Variants in MBOAT2 observed in about 807,000 individuals in gnomAD.
The protein encoded by MBOAT2 is membrane bound glycerophospholipid O-acyltransferase 2.
MBOAT2 carries 28 observed loss-of-function variants against 63.4 expected under a neutral mutation model. The ratio of observed to expected loss-of-function variants is 0.44; its 90% CI spans 0.33 to 0.61. The LOEUF is 0.61. Among genes scored for constraint, MBOAT2 ranks in the 20% least tolerant of loss-of-function variants. The pLI, the probability that MBOAT2 is intolerant of heterozygous loss-of-function variation, is 0.03. For synonymous variants in MBOAT2, 211 were observed against 215.6 expected (o/e 0.98, Z 0.19); for missense variants, 470 against 605.8 (o/e 0.78, Z 2.35).
chr2:8,901,895 AG>A, intron 4 of MBOAT2, among the ~76,000 whole-genome samples: 1 of 152,336 alleles, frequency 6.6e-6, no homozygotes, highest in South Asian at 2.1e-4. Context: ...GAGAGGCGAG[AG>A]GAAGTTTGTC....
chr2:8,976,403 G>A (rs1479744688), intron 1 of MBOAT2, among the ~76,000 whole-genome samples: 1 of 152,010 alleles, frequency 6.6e-6, no homozygotes, highest in Non-Finnish European at 1.5e-5. Flanking sequence ...ATCCACAACT[G>A]CTTAACTATG....
intron 4 of MBOAT2, among the ~76,000 whole-genome samples, chr2:8,897,313 T>A (rs548974120): frequency 7.2e-4 from 108 of 150,700 alleles, no homozygotes; most frequent in African/African-American, 2.6e-3. Flanking sequence ...CAGCTGCTTA[T>A]GCTGCTGTTC....
At position 8,854,407 on chromosome 2, in the gene MBOAT2, A is replaced by G. The variant is rs1439829379; in HGVS notation, c.*4272T>C. The G allele has an allele frequency of 1.3e-5, 2 of 152,222 alleles. No individual in the cohort carries two copies. The highest frequency in any genetic ancestry group is 2.1e-4 in the South Asian group (1 of 4,830). 9.4% of individuals were successfully genotyped at this position (152,222 alleles called of 1,614,324 possible). A position where few individuals can be genotyped will look rare whatever the true frequency, so the allele number is the denominator to read the frequency against. Reference sequence around the variant, plus strand: ...AGGTATTGAGGGCAGTTAAGATTACATCTCACAGTGTTATTTAGGATTCTG... The same window carrying G: ...AGGTATTGAGGGCAGTTAAGATTACGTCTCACAGTGTTATTTAGGATTCTG... On this transcript the variant is annotated 3_prime_UTR_variant, in exon 13 of 13. Transcript: ENST00000305997.
chr2:8,858,757 C>T lies in MBOAT2; in HGVS notation c.1485G>A (p.Gln495=). 1.9e-6 allele frequency: 3 copies of T among 1,613,970 alleles called. No homozygotes were observed. The highest frequency in any genetic ancestry group is 2.2e-5 in the South Asian group (2 of 91,070). Residue 495 remains glutamine (Q), a synonymous_variant, in exon 13 of 13, where the codon CAG becomes CAA. Transcript: ENST00000305997. The part of the protein sequence containing the change: ...KFDEGENSLG[Q]NSFSTTNNVC... ...CATTGTTTGTTGTAGAAAAACTGTT[C>T]TGTCCCAAAGAATTTTCTCCTTCAT...
At chr2:8,885,924 G>A (rs1281327104) in intron 5 of MBOAT2, among the ~76,000 whole-genome samples, 1 of 152,212 alleles carries the variant, frequency 6.6e-6, no homozygotes, top group African/African-American at 2.4e-5. Context: ...TTCTGAGAAT[G>A]CTATCCTTAG....
chr2:9,003,396 C>T lies in MBOAT2; in HGVS notation c.75+144G>A, dbSNP rs1672852519. 2.9e-6 allele frequency: 1 copy of T among 343,314 alleles called. No individual in the cohort carries two copies. Among genetic ancestry groups the T allele is most frequent in the Non-Finnish European group, 4.8e-6 (1 of 210,246 alleles). The allele number at this position is 343,314 out of a possible 1,614,324, so 21.3% of individuals were successfully genotyped here. A position where few individuals can be genotyped will look rare whatever the true frequency, so the allele number is the denominator to read the frequency against. On this transcript the variant is annotated intron_variant, in intron 1 of 12. Transcript: ENST00000305997. This position sits in a 1 kb window ranked among gnomAD's most constrained non-coding sequence, Gnocchi z 5.4. ...GGGACAATAACCGGCTTGTTGCCCC[C>T]TCCCTTCCAGGGAGCGGCGGGTAGG...
chr2:8,973,998 G>A (rs1428409230), intron 1 of MBOAT2, among the ~76,000 whole-genome samples: 1 of 152,098 alleles, frequency 6.6e-6, no homozygotes, highest in African/African-American at 2.4e-5. Context: ...ACTAAAGCAT[G>A]GTACATGAAG....
In MBOAT2 at chr2:8,929,942, A is replaced by G. The variant is rs368730046; in HGVS notation, c.299+13245T>C. On this transcript the variant is annotated intron_variant, in intron 3 of 12. Coordinates refer to ENST00000305997, the MANE Select transcript of MBOAT2 (RefSeq NM_138799.4). ...ATGTGTTTTCTTCCCCAAGAAAGCT[A>G]TAAACAGCGAAAATTTTGTTGTAAG... 6.6e-5 allele frequency among the ~76,000 whole-genome samples: 10 copies of G among 152,308 alleles called. No homozygotes were observed. In the East Asian group the frequency reaches 1.7e-3, roughly 26 times the overall value.
intron 3 of MBOAT2, among the ~76,000 whole-genome samples, chr2:8,936,018 T>C (rs1667636518): frequency 6.6e-6 from 1 of 152,258 alleles, no homozygotes; most frequent in Non-Finnish European, 1.5e-5. Context: ...TTGTAACTTT[T>C]TTATTCTACT....
intron 3 of MBOAT2, among the ~76,000 whole-genome samples, chr2:8,931,924 A>C (rs1329602096): frequency 6.6e-6 from 1 of 152,090 alleles, no homozygotes; most frequent in Non-Finnish European, 1.5e-5. Flanking sequence ...TGAGATCTCT[A>C]TTCTGATCCA....
chr2:8,914,530 G>A (rs889480991), intron 3 of MBOAT2, among the ~76,000 whole-genome samples: 1 of 150,780 alleles, frequency 6.6e-6, no homozygotes, highest in East Asian at 1.9e-4. Flanking sequence ...GAGAATCAAC[G>A]AGCTATACGG....
At chr2:8,960,403 T>G (rs566181078) in intron 1 of MBOAT2, among the ~76,000 whole-genome samples, 1 of 152,124 alleles carries the variant, frequency 6.6e-6, no homozygotes, top group Non-Finnish European at 1.5e-5. Flanking sequence ...ATGGAAAACA[T>G]AAACATATAC....
chr2:8,889,622 G>T (rs1663841764), intron 4 of MBOAT2, among the ~76,000 whole-genome samples: 1 of 152,108 alleles, frequency 6.6e-6, no homozygotes, highest in Non-Finnish European at 1.5e-5. Flanking sequence ...TTTCCCTGGG[G>T]GAGAGAATCA....
At chr2:8,892,052 T>A (rs544545820) in intron 4 of MBOAT2, among the ~76,000 whole-genome samples, 9 of 152,330 alleles carry the variant, frequency 5.9e-5, no homozygotes, top group African/African-American at 1.9e-4. Context: ...CTTTTTTCTC[T>A]ACAAAGAACA....
At chr2:8,921,619 T>C (rs1460824411) in intron 3 of MBOAT2, among the ~76,000 whole-genome samples, 2 of 152,210 alleles carry the variant, frequency 1.3e-5, no homozygotes, top group Non-Finnish European at 2.9e-5. Flanking sequence ...TTTGTTTATC[T>C]GGGAATGTCT....
chr2:8,983,500 G>T (rs1173510783), intron 1 of MBOAT2, among the ~76,000 whole-genome samples: 1 of 152,164 alleles, frequency 6.6e-6, no homozygotes, highest in African/African-American at 2.4e-5. Flanking sequence ...GTTTTACACA[G>T]TCCCTTCCAG....
intron 2 of MBOAT2, among the ~76,000 whole-genome samples, chr2:8,955,036 T>C (rs1156252269): frequency 6.6e-6 from 1 of 152,164 alleles, no homozygotes; most frequent in African/African-American, 2.4e-5. Context: ...AGGCTTGCAA[T>C]GGAGGAAAGC....
intron 3 of MBOAT2, among the ~76,000 whole-genome samples, chr2:8,931,102 C>T (rs148507094): frequency 0.022 from 3,300 of 152,250 alleles, 132 homozygotes; most frequent in African/African-American, 0.075. Flanking sequence ...TTTGAGGAAT[C>T]GCCACACTGT....
chr2:8,906,629 A>G (rs1321609412), intron 4 of MBOAT2, among the ~76,000 whole-genome samples: 1 of 152,252 alleles, frequency 6.6e-6, no homozygotes, highest in Non-Finnish European at 1.5e-5. Flanking sequence ...CTATCCCTAG[A>G]TAACACAGAA....
Sources: gnomAD v4.1 joint callset for allele counts (sites outside exome capture counted in the v4.1 genomes callset) on GRCh38, gnomAD v4.1.1 for gene constraint, Gnocchi (gnomAD v3.1) non-coding constraint, MANE v1.5 for transcripts, NCBI Gene and HGNC (gene_info 2026-07-23, HGNC 2026-07-21) for gene names.